Variants in GABRG3 observed in about 807,000 individuals in gnomAD.
GABRG3 encodes gamma-aminobutyric acid receptor subunit gamma-3.
GABRG3 carries 25 observed loss-of-function variants against 48.8 expected under a neutral mutation model. The ratio of observed to expected loss-of-function variants is 0.51; its 90% confidence interval spans 0.37 to 0.72. The LOEUF is 0.72. Ranked by LOEUF, GABRG3 falls within the 30% of genes least tolerant of loss-of-function variation. The pLI, the probability that GABRG3 is intolerant of heterozygous loss-of-function variation, is 0.00. For missense variants in GABRG3, 394 were observed against 577.9 expected (o/e 0.68, Z 3.26); for synonymous variants, 227 against 217.6 (o/e 1.04, Z -0.38).
At chr15:27,026,462 G>A (rs1020976261) in intron 2 of GABRG3, among the ~76,000 whole-genome samples, 8 of 152,158 alleles carry the variant, frequency 5.3e-5, no homozygotes, top group African/African-American at 9.6e-5. Context: ...GTAACGTTAC[G>A]GTATATCTTT....
At chr15:27,010,854 T>C (rs971523075) in intron 2 of GABRG3, among the ~76,000 whole-genome samples, 3 of 152,134 alleles carry the variant, frequency 2.0e-5, no homozygotes, top group African/African-American at 7.2e-5. Flanking sequence ...TGTTTGTTCG[T>C]TTTGTTTTTG....
chr15:27,459,589 T>G (rs1889388369), intron 5 of GABRG3, among the ~76,000 whole-genome samples: 1 of 152,236 alleles, frequency 6.6e-6, no homozygotes, highest in Non-Finnish European at 1.5e-5. Context: ...AAAGGATGAT[T>G]ATACTAATGT....
At chr15:27,079,251 A>G (rs967936876) in intron 3 of GABRG3, among the ~76,000 whole-genome samples, 2 of 152,180 alleles carry the variant, frequency 1.3e-5, no homozygotes, top group Non-Finnish European at 2.9e-5. Flanking sequence ...GGAGTTGCTA[A>G]AGGAGCCTGC....
chr15:27,418,238 G>A (rs1888002481), intron 5 of GABRG3, among the ~76,000 whole-genome samples: 1 of 152,256 alleles, frequency 6.6e-6, no homozygotes, highest in Admixed American at 6.5e-5. Flanking sequence ...CATAGCAGCA[G>A]AGCTGGAAGA....
rs1416459277 is a variant in GABRG3 at position 27,180,790 on chromosome 15, C to T, written c.271-146019C>T. On this transcript the variant is annotated intron_variant, in intron 3 of 9. Transcript: ENST00000615808. The surrounding 1 kb of genome is among the most constrained non-coding windows in gnomAD (Gnocchi z 4.2). ...TAAATCCACTGACTAATGCTCTTAT[C>T]CACTCACATTTTGTCACTATCAGCA... 6.6e-6 allele frequency among the ~76,000 whole-genome samples: 1 copy of T among 152,192 alleles called. No homozygotes were observed. The highest frequency in any genetic ancestry group is 1.5e-5 in the Non-Finnish European group (1 of 68,038).
At position 27,537,807 on chromosome 15, in the gene GABRG3, A is replaced by ATTT. The variant is rs1566886243; in HGVS notation, c.*4929_*4931dup. 4 of 148,712 alleles carry ATTT rather than the reference A, an allele frequency of 2.7e-5. No individual in the cohort carries two copies. The highest frequency in any genetic ancestry group is 2.1e-4 in the South Asian group (1 of 4,766). 9.2% of individuals were successfully genotyped at this position (148,712 alleles called of 1,614,324 possible). On this transcript the variant is annotated 3_prime_UTR_variant, in exon 10 of 10. Coordinates refer to ENST00000615808, the MANE Select transcript of GABRG3 (RefSeq NM_033223.5). ...CAAAAGGCAGACTTTCTTTATATTT[A>ATTT]TTTTTATTATTTATTTATTTATTTA...
intron 3 of GABRG3, among the ~76,000 whole-genome samples, chr15:27,297,220 G>C (rs141747601): frequency 6.6e-6 from 1 of 152,064 alleles, no homozygotes; most frequent in Non-Finnish European, 1.5e-5. Context: ...TCAAAAGAAA[G>C]TTTATAAAGT....
intron 3 of GABRG3, among the ~76,000 whole-genome samples, chr15:27,067,836 TCTTG>T (rs1472713517): frequency 5.9e-5 from 9 of 152,184 alleles, no homozygotes; most frequent in Non-Finnish European, 1.2e-4. Flanking sequence ...GGTTGGTGTC[TCTTG>T]CTTGCAATCA....
chr15:27,103,659 G>T (rs1439795667), intron 3 of GABRG3, among the ~76,000 whole-genome samples: 7 of 152,150 alleles, frequency 4.6e-5, no homozygotes, highest in Admixed American at 3.3e-4. Flanking sequence ...ATTGTAACAA[G>T]CATACAATAC....
intron 5 of GABRG3, among the ~76,000 whole-genome samples, chr15:27,392,696 C>A (rs528945532): frequency 4.5e-4 from 68 of 152,304 alleles, no homozygotes; most frequent in African/African-American, 1.5e-3. Context: ...CTACATAAAT[C>A]ATTTGGAATT....
intron 3 of GABRG3, among the ~76,000 whole-genome samples, chr15:27,104,647 A>G (rs1897419473): frequency 6.6e-6 from 1 of 152,202 alleles, no homozygotes; most frequent in Non-Finnish European, 1.5e-5. Flanking sequence ...CTTTTGCATC[A>G]TGATACTTTA....
intron 3 of GABRG3, among the ~76,000 whole-genome samples, chr15:27,293,908 T>C (rs1891888492): frequency 6.6e-6 from 1 of 151,992 alleles, no homozygotes; most frequent in Non-Finnish European, 1.5e-5. Flanking sequence ...TCAAGGGAAA[T>C]CATAGGCCAT....
chr15:26,997,203 C>A (rs531235382), intron 2 of GABRG3, among the ~76,000 whole-genome samples: 39 of 152,010 alleles, frequency 2.6e-4, no homozygotes, highest in Non-Finnish European at 4.3e-4. Flanking sequence ...ATGATATTAT[C>A]TGTTTCATAA....
chr15:27,100,903 G>A (rs1267171756), intron 3 of GABRG3, among the ~76,000 whole-genome samples: 2 of 152,210 alleles, frequency 1.3e-5, no homozygotes, highest in Non-Finnish European at 2.9e-5. Flanking sequence ...CTGAGGACCA[G>A]GAACAAGGCA....
intron 3 of GABRG3, among the ~76,000 whole-genome samples, chr15:27,223,999 G>T (rs1447045874): frequency 2.0e-5 from 3 of 152,220 alleles, no homozygotes. Context: ...ACTGGAGCTG[G>T]AGAGGGGAAG....
intron 5 of GABRG3, among the ~76,000 whole-genome samples, chr15:27,392,608 A>G (rs1271559698): frequency 6.6e-6 from 1 of 152,218 alleles, no homozygotes; most frequent in Non-Finnish European, 1.5e-5. Flanking sequence ...AGTACTCTGC[A>G]TACTTTAGAA....
intron 3 of GABRG3, among the ~76,000 whole-genome samples, chr15:27,093,371 T>A (rs1191976460): frequency 6.6e-6 from 1 of 152,118 alleles, no homozygotes; most frequent in Non-Finnish European, 1.5e-5. Context: ...AGTCAGGAGT[T>A]CTGAGAAGAG....
In GABRG3 at chr15:27,480,739, G is replaced by A; in HGVS notation, c.664G>A (p.Asp222Asn). Residue 222 changes from aspartate to asparagine, a missense_variant, in exon 6 of 10, where the codon GAC (aspartate) becomes AAC (asparagine). Transcript: ENST00000615808. ...GAAATCATGGCGGCTTTATCAGTTT[G>A]ACTTCATGGGCCTCAGAAACACCAC... Reference protein sequence around the residue: ...DQKSWRLYQFDFMGLRNTTEI... With the variant: ...DQKSWRLYQFNFMGLRNTTEI... 1 of 1,613,688 alleles carries A rather than the reference G, an allele frequency of 6.2e-7. No individual in the cohort carries two copies. The highest frequency in any genetic ancestry group is 1.1e-5 in the South Asian group (1 of 90,990).
intron 3 of GABRG3, among the ~76,000 whole-genome samples, chr15:27,059,753 A>G (rs1290893001): frequency 6.6e-6 from 1 of 152,230 alleles, no homozygotes; most frequent in Non-Finnish European, 1.5e-5. Context: ...CCTGGCAGAC[A>G]ATGGTGCTTC....
Sources: allele counts gnomAD v4.1 joint callset (sites outside exome capture counted in the v4.1 genomes callset), GRCh38; gene constraint gnomAD v4.1.1; non-coding constraint Gnocchi (gnomAD v3.1); transcripts MANE v1.5; gene names NCBI Gene and HGNC (gene_info 2026-07-23, HGNC 2026-07-21).